SPAG16: variants seen among roughly 807,000 people sequenced by gnomAD.
SPAG16 encodes the protein sperm associated antigen 16.
SPAG16 carries 86 observed loss-of-function variants against 80.4 expected under a neutral mutation model. The ratio of observed to expected loss-of-function variants is 1.07; its 90% confidence interval spans 0.90 to 1.28. SPAG16 has a LOEUF of 1.28. Ranked by LOEUF, SPAG16 falls within the 50% of genes most tolerant of loss-of-function variation. The pLI is 0.00. For missense variants in SPAG16, 870 were observed against 765.3 expected, an observed-to-expected ratio of 1.14 and a Z score of -1.61; for synonymous variants, 294 against 265.9, an observed-to-expected ratio of 1.11 and a Z score of -1.03.
intron 13 of SPAG16, among the ~76,000 whole-genome samples, chr2:214,084,638 T>C (rs925274467): frequency 9.9e-5 from 15 of 152,190 alleles, no homozygotes; most frequent in African/African-American, 3.1e-4. Context: ...CAACTTTATA[T>C]GTACATTTAC....
At chr2:213,829,098 T>C (rs2073468750) in intron 10 of SPAG16, among the ~76,000 whole-genome samples, 1 of 152,136 alleles carries the variant, frequency 6.6e-6, no homozygotes, top group Admixed American at 6.5e-5. Flanking sequence ...GCCAGCCAAA[T>C]TCGCATCCTT....
rs76662687 is a variant in SPAG16 at position 214,208,411 on chromosome 2, G to A, written c.1720+59145G>A. Among the ~76,000 whole-genome samples, 399 of 152,254 alleles carry A rather than the reference G, an allele frequency of 2.6e-3. 1 individual carries two copies. The highest frequency in any genetic ancestry group is 4.8e-3 in the Non-Finnish European group (326 of 68,018). ...AATGGTAAGGACTCTACTTCTAGTAGTATGGAGAATACTGATAGTCCTTGG... is the reference window on the plus strand; with the variant it reads ...AATGGTAAGGACTCTACTTCTAGTAATATGGAGAATACTGATAGTCCTTGG... On this transcript the variant is annotated intron_variant, in intron 15 of 15. Transcript: ENST00000331683.
At chr2:213,860,473 C>T (rs370324139) in intron 10 of SPAG16, among the ~76,000 whole-genome samples, 1 of 78,784 alleles carries the variant, frequency 1.3e-5, no homozygotes, top group Non-Finnish European at 2.9e-5. Flanking sequence ...ATATATCTAT[C>T]TATATATATA....
At chr2:213,428,584 C>T (rs2070092244) in intron 9 of SPAG16, among the ~76,000 whole-genome samples, 1 of 152,136 alleles carries the variant, frequency 6.6e-6, no homozygotes, top group African/African-American at 2.4e-5. Context: ...ATGAGTGTGG[C>T]ATTTGCTCCA....
intron 10 of SPAG16, among the ~76,000 whole-genome samples, chr2:213,567,257 G>A (rs772528317): frequency 1.8e-4 from 23 of 125,812 alleles, no homozygotes; most frequent in Non-Finnish European, 3.4e-4. Context: ...TATACTCTAA[G>A]TTTTAGGGTA....
intron 10 of SPAG16, among the ~76,000 whole-genome samples, chr2:213,691,872 G>C (rs1025668547): frequency 3.3e-5 from 5 of 152,190 alleles, no homozygotes; most frequent in African/African-American, 1.2e-4. Context: ...CTAATACATA[G>C]TGGAATTTCA....
At chr2:213,659,275 G>T (rs1332075433) in intron 10 of SPAG16, among the ~76,000 whole-genome samples, 1 of 150,986 alleles carries the variant, frequency 6.6e-6, no homozygotes, top group Non-Finnish European at 1.5e-5. Context: ...CATTCTCAGT[G>T]CTTCCTCTAC....
At chr2:214,282,393 G>T (rs1046333845) in intron 15 of SPAG16, among the ~76,000 whole-genome samples, 2 of 152,068 alleles carry the variant, frequency 1.3e-5, no homozygotes, top group Non-Finnish European at 1.5e-5. Context: ...AGTGGATTTT[G>T]TTCCTGGTTC....
intron 10 of SPAG16, among the ~76,000 whole-genome samples, chr2:213,559,367 G>A (rs1176538302): frequency 6.6e-6 from 1 of 152,046 alleles, no homozygotes; most frequent in African/African-American, 2.4e-5. Context: ...TTATTGTCAC[G>A]AGCATCAATG....
At chr2:213,628,903 G>T (rs1395001683) in intron 10 of SPAG16, among the ~76,000 whole-genome samples, 1 of 152,124 alleles carries the variant, frequency 6.6e-6, no homozygotes, top group Non-Finnish European at 1.5e-5. Context: ...TAAGCGTGTT[G>T]TTTGTATTAA....
intron 10 of SPAG16, among the ~76,000 whole-genome samples, chr2:213,509,497 ATCC>A (rs1170291688): frequency 6.6e-6 from 1 of 152,226 alleles, no homozygotes; most frequent in African/African-American, 2.4e-5. Context: ...CTACACTTTC[ATCC>A]ATCTGTCCAT....
chr2:213,952,971 C>T (rs1480158894), intron 12 of SPAG16, among the ~76,000 whole-genome samples: 3 of 151,942 alleles, frequency 2.0e-5, no homozygotes, highest in African/African-American at 7.2e-5. Flanking sequence ...AACTAACAAA[C>T]TGGACAGGTA....
chr2:213,460,991 A>G (rs1227020755), intron 9 of SPAG16, among the ~76,000 whole-genome samples: 2 of 152,188 alleles, frequency 1.3e-5, no homozygotes, highest in Admixed American at 1.3e-4. Context: ...TTTTACTTTC[A>G]TGCCATTTCT....
chr2:213,990,805 G>A (rs1191992544), intron 12 of SPAG16, among the ~76,000 whole-genome samples: 1 of 152,006 alleles, frequency 6.6e-6, no homozygotes, highest in African/African-American at 2.4e-5. Flanking sequence ...GTGTATGTTT[G>A]CTCAATATCT....
intron 10 of SPAG16, among the ~76,000 whole-genome samples, chr2:213,538,410 T>G (rs1328433327): frequency 6.6e-6 from 1 of 152,144 alleles, no homozygotes; most frequent in African/African-American, 2.4e-5. Flanking sequence ...AAAATCTTTC[T>G]GTGCCTCAGG....
chr2:213,534,642 T>G (rs1168278637), intron 10 of SPAG16, among the ~76,000 whole-genome samples: 1 of 152,112 alleles, frequency 6.6e-6, no homozygotes, highest in African/African-American at 2.4e-5. Context: ...ATAATGTATA[T>G]TGTATGATTC....
chr2:214,021,215 T>C (rs1450362490), intron 13 of SPAG16, among the ~76,000 whole-genome samples: 1 of 152,148 alleles, frequency 6.6e-6, no homozygotes, highest in Non-Finnish European at 1.5e-5. Flanking sequence ...AAAACATTTT[T>C]TTGGTCACTC....
intron 9 of SPAG16, among the ~76,000 whole-genome samples, chr2:213,483,454 A>T (rs2073843400): frequency 6.6e-6 from 1 of 152,206 alleles, no homozygotes; most frequent in African/African-American, 2.4e-5. Context: ...ATATATATTG[A>T]ACCTGTTATA....
chr2:213,589,232 G>T (rs1456148141), intron 10 of SPAG16, among the ~76,000 whole-genome samples: 1 of 152,136 alleles, frequency 6.6e-6, no homozygotes, highest in Admixed American at 6.5e-5. Flanking sequence ...CTAAATGGCA[G>T]AAAATTAGAT....
Sources: gnomAD v4.1 joint callset for allele counts (sites outside exome capture counted in the v4.1 genomes callset) on GRCh38, gnomAD v4.1.1 for gene constraint, MANE v1.5 for transcripts, NCBI Gene and HGNC (gene_info 2026-07-23, HGNC 2026-07-21) for gene names.